The following TUBD1 variants were observed in gnomAD, a reference collection of about 807,000 sequenced individuals.
TUBD1 encodes the protein tubulin delta 1.
Under a neutral mutation model 51.2 loss-of-function variants are expected in TUBD1, and 38 were observed. The ratio of observed to expected loss-of-function variants is 0.74; its 90% confidence interval spans 0.57 to 0.97. TUBD1 has a LOEUF of 0.97. TUBD1 is among the 50% of genes least tolerant of loss of function. TUBD1 has a pLI of 0.00. For missense variants in TUBD1, 489 were observed against 538.4 expected (o/e 0.91, Z 0.91); for synonymous variants, 169 against 178.2 (o/e 0.95, Z 0.41).
intron 8 of TUBD1, among the ~76,000 whole-genome samples, chr17:59,862,561 T>TG (rs1271207151): frequency 2.0e-5 from 3 of 151,328 alleles, no homozygotes; most frequent in Non-Finnish European, 4.4e-5. Context: ...TTTTTTGAGA[T>TG]GGAGTCTCGC....
intron 5 of TUBD1, among the ~76,000 whole-genome samples, chr17:59,876,391 T>C (rs1012947881): frequency 1.3e-5 from 2 of 151,268 alleles, no homozygotes; most frequent in Non-Finnish European, 2.9e-5. Context: ...GTTTCGCTCT[T>C]ATTGCTCAGG....
chr17:59,865,352 T>C (rs2039648144), intron 7 of TUBD1, among the ~76,000 whole-genome samples: 1 of 150,274 alleles, frequency 6.7e-6, no homozygotes, highest in East Asian at 2.0e-4. Context: ...AGGTCTGCAG[T>C]TTGAGACCAG....
chr17:59,884,303 T>C (rs956713693), intron 3 of TUBD1, among the ~76,000 whole-genome samples: 32 of 150,340 alleles, frequency 2.1e-4, no homozygotes, highest in African/African-American at 7.1e-4. Flanking sequence ...TAAAGTCACC[T>C]AGGGACCTTT....
chr17:59,880,541 G>A (rs1326549971), intron 4 of TUBD1, among the ~76,000 whole-genome samples: 1 of 151,912 alleles, frequency 6.6e-6, no homozygotes, highest in Non-Finnish European at 1.5e-5. Flanking sequence ...TTGAGACGGA[G>A]TCTTGCTCTA....
chr17:59,861,406 C>A, intron 8 of TUBD1, among the ~76,000 whole-genome samples: 1 of 151,906 alleles, frequency 6.6e-6, no homozygotes, highest in East Asian at 1.9e-4. Flanking sequence ...ACCATGTTGG[C>A]CAGGCTGGTC....
At chr17:59,869,635 T>C (rs2039888678) in intron 6 of TUBD1, among the ~76,000 whole-genome samples, 1 of 152,132 alleles carries the variant, frequency 6.6e-6, no homozygotes, top group Admixed American at 6.6e-5. Flanking sequence ...TAACAGGTAT[T>C]GCTCGAAAAA....
In TUBD1 at chr17:59,878,248, G is replaced by A. The variant is rs1393780046; in HGVS notation, c.624C>T (p.Ala208=). ...TCAGTTTTGCACAGATCTTATGGATGGCATCATTCTCATGAAGAAGGAGGG... is the reference window on the plus strand; with the variant it reads ...TCAGTTTTGCACAGATCTTATGGATAGCATCATTCTCATGAAGAAGGAGGG... The part of the protein sequence containing the change: ...SDALLLHEND[A]IHKICAKLMN... The change falls in exon 5 of 9, where the codon GCC becomes GCT. Residue 208 remains alanine, a synonymous_variant. Transcript: ENST00000325752. 2 of 1,613,926 alleles carry A rather than the reference G, an allele frequency of 1.2e-6. No homozygotes were observed. The highest frequency in any genetic ancestry group is 2.7e-5 in the African/African-American group (2 of 74,904).
intron 4 of TUBD1, 39 bp downstream of exon 4, chr17:59,880,855 G>T: frequency 1.3e-6 from 2 of 1,561,542 alleles, no homozygotes; most frequent in South Asian, 2.2e-5. Context: ...CTATTGCAAA[G>T]AACATAAAAC....
At chr17:59,866,249 AAT>A (rs1413669333) in intron 7 of TUBD1, among the ~76,000 whole-genome samples, 1 of 142,442 alleles carries the variant, frequency 7.0e-6, no homozygotes, top group Non-Finnish European at 1.5e-5. Context: ...TTTTTTTTTT[AAT>A]AGAGACAGGG....
chr17:59,886,629 CAAAAAAAAAAAAAA>C (rs759725754), intron 2 of TUBD1: 4 of 22,856 alleles, frequency 1.8e-4, no homozygotes, highest in African/African-American at 4.7e-4. Flanking sequence ...GATTCTGTCT[CAAAAAAAAAAAAAA>C]AAAAAAAAAA....
At chr17:59,862,708 T>C (rs2039510751) in intron 8 of TUBD1, among the ~76,000 whole-genome samples, 1 of 132,472 alleles carries the variant, frequency 7.5e-6, no homozygotes, top group African/African-American at 2.9e-5. Context: ...CCAAGCTAAT[T>C]TTTGTATTTT....
rs76279066 is a variant in TUBD1, at chr17:59,890,163, C to T, written c.172+668G>A. On this transcript the variant is annotated intron_variant, in intron 2 of 8. Transcript: ENST00000325752. The stretch of plus-strand genomic sequence containing the variant: ...AAAACAGTAGTTGGATCTGGTGATT[C>T]GGAGGTCACTGGAAACTTTTCTTAG... 3.7e-4 allele frequency among the ~76,000 whole-genome samples: 57 copies of T among 152,158 alleles called. No individual in the cohort carries two copies. The East Asian group carries it at 0.011, about 28-fold the overall frequency.
intron 6 of TUBD1, among the ~76,000 whole-genome samples, chr17:59,869,101 CAT>C (rs1047525898): frequency 2.6e-5 from 4 of 151,422 alleles, no homozygotes; most frequent in African/African-American, 9.7e-5. Context: ...TGGTTTGTGC[CAT>C]ATATATATAT....
Position 59,860,348 on chromosome 17 carries a change from C to G in TUBD1, c.1336G>C (p.Val446Leu). Residue 446 changes from valine (V) to leucine (L), a missense_variant, in exon 9 of 9, where the codon GTT becomes CTT. Physicochemically the swap from Val to Leu is conservative, Grantham distance 32 (BLOSUM62 1). Coordinates refer to ENST00000325752, the MANE Select transcript of TUBD1 (RefSeq NM_016261.4). ...FLDSFTSLEQ[V>L]VASYCNL is the part of the protein sequence containing the mutation. ...CAGAGATTACAGTAACTGGCAACAA[C>G]CTGCTCTAATGACGTGAAACTGTCT... 6.2e-7 allele frequency: 1 copy of G among 1,612,574 alleles called. No homozygotes were observed.
At chr17:59,862,359 T>C (rs922374027) in intron 8 of TUBD1, among the ~76,000 whole-genome samples, 19 of 151,882 alleles carry the variant, frequency 1.3e-4, no homozygotes, top group South Asian at 1.0e-3. Flanking sequence ...AGAAGCCTTG[T>C]CCACTCATTT....
At chr17:59,888,817 T>C (rs542689036) in intron 2 of TUBD1, among the ~76,000 whole-genome samples, 2 of 151,976 alleles carry the variant, frequency 1.3e-5, no homozygotes, top group Admixed American at 6.6e-5. Context: ...GTTCAAGCGA[T>C]TCTCCTGCCT....
intron 8 of TUBD1, among the ~76,000 whole-genome samples, chr17:59,862,741 T>C (rs2039516464): frequency 7.2e-6 from 1 of 139,762 alleles, no homozygotes; most frequent in South Asian, 2.4e-4. Context: ...TTTTTTTTTT[T>C]TGAGACGGAG....
rs1219470695 is a variant in TUBD1, at chr17:59,874,640, G to A, written c.833C>T (p.Pro278Leu). The change falls in exon 6 of 9, where the codon CCT becomes CTT. Residue 278 changes from proline (P) to leucine (L), a missense_variant. By Grantham distance (98) the Pro-to-Leu change is moderately conservative (BLOSUM62 -3). Transcript: ENST00000325752. The part of the protein sequence containing the change: ...EFKMLSVRNI[P>L]HMSENSLAYT... Reference sequence around the variant, plus strand: ...TGCCAATGAATTCTCAGACATGTGAGGAATGTTACGAACACTCAGCATCTT... The same window carrying A: ...TGCCAATGAATTCTCAGACATGTGAAGAATGTTACGAACACTCAGCATCTT... 2 of 1,613,578 alleles carry A rather than the reference G, an allele frequency of 1.2e-6. No homozygotes were observed. The highest frequency in any genetic ancestry group is 1.7e-6 in the Non-Finnish European group (2 of 1,179,884).
intron 3 of TUBD1, chr17:59,885,639 T>C: frequency 1.4e-6 from 1 of 740,582 alleles, no homozygotes; most frequent in Non-Finnish European, 2.3e-6. Flanking sequence ...CTAATAAAAC[T>C]CAGTGCTGTG....
Sources: allele counts gnomAD v4.1 joint callset (sites outside exome capture counted in the v4.1 genomes callset), GRCh38; gene constraint gnomAD v4.1.1; transcripts MANE v1.5; gene names NCBI Gene and HGNC (gene_info 2026-07-23, HGNC 2026-07-21).